Variants in ACCSL observed in about 807,000 individuals in gnomAD.
The protein encoded by ACCSL is probable inactive 1-aminocyclopropane-1-carboxylate synthase-like protein 2.
In ACCSL, 55 loss-of-function variants were observed where a neutral mutation model predicts 61.7. That is an observed-to-expected ratio of 0.89 (90% CI 0.72 to 1.12). The LOEUF (loss-of-function observed/expected upper bound fraction) is 1.12. Among genes scored for constraint, ACCSL ranks in the 50% most tolerant of loss-of-function variants. The probability of loss-of-function intolerance (pLI) is 0.00; values close to 1 mark genes in which losing one functional copy is unlikely to be tolerated. For missense variants in ACCSL, 632 were observed against 698.0 expected, an observed-to-expected ratio of 0.91 and a Z score of 1.07; for synonymous variants, 258 against 264.3, an observed-to-expected ratio of 0.98 and a Z score of 0.23.
chr11:44,026,376 T>G, the ACCSL span, among the ~76,000 whole-genome samples: 1 of 152,022 alleles, frequency 6.6e-6, no homozygotes, highest in Non-Finnish European at 1.5e-5. Context: ...TTTGCTTCCT[T>G]AAAAAAAAGG....
At chr11:43,978,084 A>G in the ACCSL span, among the ~76,000 whole-genome samples, 2 of 137,384 alleles carry the variant, frequency 1.5e-5, no homozygotes, top group Admixed American at 1.7e-4. Flanking sequence ...ATCTTGGCTC[A>G]CTGCAACCTC....
chr11:43,970,924 T>C, the ACCSL span, among the ~76,000 whole-genome samples: 2 of 152,200 alleles, frequency 1.3e-5, no homozygotes, highest in East Asian at 3.8e-4. Context: ...GCACAATACC[T>C]AACATATTCT....
chr11:44,014,917 G>T, the ACCSL span, among the ~76,000 whole-genome samples: 1 of 152,216 alleles, frequency 6.6e-6, no homozygotes, highest in Non-Finnish European at 1.5e-5. Context: ...CATCTCGTGG[G>T]CCTCAGCATC....
the ACCSL span, among the ~76,000 whole-genome samples, chr11:43,960,741 G>T: frequency 1.3e-5 from 2 of 152,144 alleles, no homozygotes; most frequent in Non-Finnish European, 2.9e-5. Flanking sequence ...TGACCCAAAA[G>T]TTGTTTAAAT....
the ACCSL span, chr11:43,926,365 C>T: frequency 5.9e-6 from 2 of 336,294 alleles, no homozygotes; most frequent in Non-Finnish European, 1.2e-5. Flanking sequence ...GTTTCCTAGC[C>T]TGGCAAGGGT....
chr11:43,950,815 T>C, the ACCSL span, among the ~76,000 whole-genome samples: 1 of 152,172 alleles, frequency 6.6e-6, no homozygotes, highest in Non-Finnish European at 1.5e-5. Flanking sequence ...CAGCTGAGGG[T>C]GCACACTTCT....
At chr11:43,958,634 A>AGAG in the ACCSL span, among the ~76,000 whole-genome samples, 2 of 152,212 alleles carry the variant, frequency 1.3e-5, no homozygotes, top group African/African-American at 4.8e-5. Context: ...TTACACATTC[A>AGAG]GTCTATCGGA....
chr11:44,028,831 C>A, the ACCSL span, among the ~76,000 whole-genome samples: 1 of 152,198 alleles, frequency 6.6e-6, no homozygotes, highest in African/African-American at 2.4e-5. Context: ...CATGTGGAAT[C>A]ATACAGGAGG....
At chr11:44,035,142 C>A in the ACCSL span, among the ~76,000 whole-genome samples, 150 of 152,232 alleles carry the variant, frequency 9.9e-4, no homozygotes, top group African/African-American at 3.2e-3. Flanking sequence ...AATAGCACCC[C>A]CTCTTGCTCT....
chr11:44,051,860 C>T (rs1348255470), intron 5 of ACCSL, 141 bp downstream of exon 5: 1 of 912,154 alleles, frequency 1.1e-6, no homozygotes, highest in African/African-American at 1.6e-5. Flanking sequence ...CCCACACTGA[C>T]TAGGTTATCT....
chr11:43,995,639 G>A, the ACCSL span: 2 of 152,744 alleles, frequency 1.3e-5, no homozygotes, highest in Non-Finnish European at 2.9e-5. Flanking sequence ...GTTGGTACAT[G>A]AGGAGGTAGG....
chr11:43,992,432 A>C, the ACCSL span, among the ~76,000 whole-genome samples: 1 of 152,088 alleles, frequency 6.6e-6, no homozygotes, highest in Non-Finnish European at 1.5e-5. Context: ...TCCCTCTTAG[A>C]TCTGGGCTCT....
Position 44,058,437 on chromosome 11 carries a change from A to G in ACCSL, c.1448A>G (p.Tyr483Cys). ...TTTCACAACCGCAGCTCTGGCCTCTATGTCTGGATCAACTTGAAAAAGGTG... is the reference window on the plus strand; with the variant it reads ...TTTCACAACCGCAGCTCTGGCCTCTGTGTCTGGATCAACTTGAAAAAGGTG... The part of the protein sequence containing the change: ...IPFHNRSSGL[Y>C]VWINLKKYLD... Residue 483 changes from tyrosine (Y) to cysteine (C), a missense_variant, in exon 12 of 14, where the codon TAT (tyrosine) becomes TGT (cysteine). Physicochemically the swap from Tyr to Cys is radical, Grantham distance 194 (BLOSUM62 -2). Transcript: ENST00000378832. 4 of 1,614,126 alleles carry G rather than the reference A, an allele frequency of 2.5e-6. No homozygotes were observed. Among genetic ancestry groups the G allele is most frequent in the Non-Finnish European group, 3.4e-6 (4 of 1,180,012 alleles).
At chr11:44,032,606 CA>C in the ACCSL span, among the ~76,000 whole-genome samples, 1 of 152,138 alleles carries the variant, frequency 6.6e-6, no homozygotes, top group African/African-American at 2.4e-5. Context: ...ATTAAATAAG[CA>C]CTCCTAGCTC....
intron 11 of ACCSL, among the ~76,000 whole-genome samples, chr11:44,057,426 A>G (rs1952678115): frequency 6.6e-6 from 1 of 152,236 alleles, no homozygotes; most frequent in South Asian, 2.1e-4. Context: ...GATACTTGGC[A>G]GAAACCAGAT....
At chr11:43,930,354 T>C in the ACCSL span, among the ~76,000 whole-genome samples, 10 of 152,200 alleles carry the variant, frequency 6.6e-5, no homozygotes, top group African/African-American at 2.4e-4. Flanking sequence ...TTTGAATATT[T>C]GTCCCCTCCA....
chr11:43,992,903 G>T, the ACCSL span, among the ~76,000 whole-genome samples: 86,590 of 151,904 alleles, frequency 0.57, 25,781 homozygotes, highest in African/African-American at 0.76. Flanking sequence ...ATAGTAATTT[G>T]GGGAGCCTAG....
chr11:44,056,952 A>T (rs140869209), intron 11 of ACCSL, among the ~76,000 whole-genome samples: 152 of 152,350 alleles, frequency 1.0e-3, no homozygotes, highest in African/African-American at 3.2e-3. Flanking sequence ...GAACTTCAGA[A>T]ATTAGTCTTT....
the ACCSL span, among the ~76,000 whole-genome samples, chr11:44,011,064 A>G: frequency 4.6e-5 from 7 of 152,174 alleles, no homozygotes; most frequent in African/African-American, 1.7e-4. Context: ...AAAAGATTTC[A>G]CCATGAGCCA....
Sources: allele counts gnomAD v4.1 joint callset (sites outside exome capture counted in the v4.1 genomes callset), GRCh38; gene constraint gnomAD v4.1.1; transcripts MANE v1.5; gene names NCBI Gene and HGNC (gene_info 2026-07-23, HGNC 2026-07-21).